RPTOR: variants seen among roughly 807,000 people sequenced by gnomAD.
RPTOR encodes the protein regulatory-associated protein of mTOR.
In RPTOR, 21 loss-of-function variants were observed where a neutral mutation model predicts 169.9. That is an observed-to-expected ratio of 0.12 (90% CI 0.09 to 0.18). RPTOR has a LOEUF of 0.18. Ranked by LOEUF, RPTOR falls within the 10% of genes least tolerant of loss-of-function variation. RPTOR has a pLI of 1.00. For missense variants in RPTOR, 1,133 were observed against 1,855.9 expected, an observed-to-expected ratio of 0.61 and a Z score of 7.16; for synonymous variants, 732 against 753.2, an observed-to-expected ratio of 0.97 and a Z score of 0.46.
intron 1 of RPTOR, among the ~76,000 whole-genome samples, chr17:80,559,035 ATCT>A (rs2084445809): frequency 6.6e-6 from 1 of 152,162 alleles, no homozygotes; most frequent in African/African-American, 2.4e-5. Flanking sequence ...ACCAGCAGCC[ATCT>A]CCAGCAGCTT....
intron 20 of RPTOR, among the ~76,000 whole-genome samples, chr17:80,904,940 G>A (rs117757106): frequency 8.0e-4 from 122 of 152,230 alleles, no homozygotes; most frequent in Admixed American, 1.8e-3. Context: ...CTGTTGAGTC[G>A]CAAACAGTAT....
chr17:80,620,091 AC>A (rs758419430), intron 1 of RPTOR, among the ~76,000 whole-genome samples: 3 of 151,940 alleles, frequency 2.0e-5, no homozygotes, highest in Non-Finnish European at 4.4e-5. Flanking sequence ...ATCTGTCTCC[AC>A]CCCCTCACTT....
chr17:80,662,052 A>T (rs2065728213), intron 3 of RPTOR, among the ~76,000 whole-genome samples: 1 of 152,172 alleles, frequency 6.6e-6, no homozygotes, highest in African/African-American at 2.4e-5. Flanking sequence ...CGATTTTTAG[A>T]TGCTATTTAT....
chr17:80,834,050 C>A (rs2067536732), intron 9 of RPTOR, among the ~76,000 whole-genome samples: 1 of 152,236 alleles, frequency 6.6e-6, no homozygotes, highest in African/African-American at 2.4e-5. Context: ...TAATCTGGCC[C>A]TGTAATTTGG....
At chr17:80,867,549 A>G (rs998302194) in intron 13 of RPTOR, among the ~76,000 whole-genome samples, 10 of 152,094 alleles carry the variant, frequency 6.6e-5, no homozygotes, top group African/African-American at 2.2e-4. Flanking sequence ...TGAGTCAAGG[A>G]AAAAAAGGCA....
chr17:80,667,323 A>C (rs1449684015), intron 3 of RPTOR, among the ~76,000 whole-genome samples: 1 of 152,188 alleles, frequency 6.6e-6, no homozygotes, highest in Non-Finnish European at 1.5e-5. Context: ...GGGCTGGGCA[A>C]GGTGGGCAAA....
chr17:80,865,166 AT>A (rs1293304049), intron 13 of RPTOR, among the ~76,000 whole-genome samples: 1 of 152,272 alleles, frequency 6.6e-6, no homozygotes, highest in African/African-American at 2.4e-5. Context: ...TGCCACTCAA[AT>A]TTTAAAAAGA....
chr17:80,644,560 A>C (rs929842820), intron 3 of RPTOR, among the ~76,000 whole-genome samples: 28 of 152,182 alleles, frequency 1.8e-4, no homozygotes, highest in African/African-American at 6.8e-4. Flanking sequence ...AGTTACCTAA[A>C]GGAAATAATG....
rs758242064 is a variant in RPTOR at position 80,730,536 on chromosome 17, G to A, written c.508-24G>A. ...CATATTCCTGAGACGCACATGTAACGAGCGCACTTTGTGTGTTTTCTAGAA... is the reference window on the plus strand; with the variant it reads ...CATATTCCTGAGACGCACATGTAACAAGCGCACTTTGTGTGTTTTCTAGAA... On this transcript the variant is annotated intron_variant, in intron 4 of 33. Transcript: ENST00000306801. The surrounding 1 kb of genome is among the most constrained non-coding windows in gnomAD (Gnocchi z 4.2). 6.8e-6 allele frequency: 11 copies of A among 1,607,836 alleles called. No homozygotes were observed. Among genetic ancestry groups the A allele is most frequent in the African/African-American group, 6.7e-5 (5 of 74,840 alleles).
In RPTOR at chr17:80,707,081, G is replaced by C. The variant is rs1468644356; in HGVS notation, c.349-760G>C. ...TCAGTTTTAGATTCTGCTCATTCAG[G>C]GTTAAGGGCCCAGGCAGGAGGCGGA... On this transcript the variant is annotated intron_variant, in intron 3 of 33. Coordinates refer to ENST00000306801, the MANE Select transcript of RPTOR (RefSeq NM_020761.3). The surrounding 1 kb of genome is among the most constrained non-coding windows in gnomAD (Gnocchi z 5.0). Among the ~76,000 whole-genome samples, 1 of 152,132 alleles carries C rather than the reference G, an allele frequency of 6.6e-6. No individual in the cohort carries two copies. The highest frequency in any genetic ancestry group is 1.5e-5 in the Non-Finnish European group (1 of 68,022).
intron 5 of RPTOR, among the ~76,000 whole-genome samples, chr17:80,742,575 CATAGACATATATGCAT>C: frequency 6.6e-6 from 1 of 151,492 alleles, no homozygotes; most frequent in African/African-American, 2.4e-5. Context: ...TATGCACACA[CATAGACATATATGCAT>C]ATAGACATGC....
intron 1 of RPTOR, among the ~76,000 whole-genome samples, chr17:80,566,841 AAAAAAAAAAAAG>A (rs1220369774): frequency 6.6e-6 from 1 of 151,792 alleles, no homozygotes; most frequent in Non-Finnish European, 1.5e-5. Context: ...AAAAAAAAAA[AAAAAAAAAAAAG>A]AATGTATATT....
intron 24 of RPTOR, among the ~76,000 whole-genome samples, chr17:80,938,501 T>C (rs1200807814): frequency 6.6e-6 from 1 of 152,238 alleles, no homozygotes; most frequent in Non-Finnish European, 1.5e-5. Flanking sequence ...TCTATGTTAT[T>C]TACCATTTGT....
intron 3 of RPTOR, among the ~76,000 whole-genome samples, chr17:80,654,648 A>G (rs899180392): frequency 6.6e-5 from 10 of 152,340 alleles, no homozygotes; most frequent in African/African-American, 2.4e-4. Context: ...TCCTTAATCA[A>G]CATGCTGCTT....
intron 3 of RPTOR, among the ~76,000 whole-genome samples, chr17:80,685,050 GT>G (rs1466267547): frequency 6.6e-6 from 1 of 152,006 alleles, no homozygotes; most frequent in Non-Finnish European, 1.5e-5. Context: ...TGTGTATGTA[GT>G]TTTTTTCTAG....
Position 80,712,647 on chromosome 17 carries a change from A to G in RPTOR, c.507+4648A>G, listed in dbSNP as rs140202014. On this transcript the variant is annotated intron_variant, in intron 4 of 33. Transcript: ENST00000306801. ...ATTATTAACGTGTGCAAATTTTTGT[A>G]TGGATATAAGCTTTCCATTCATTTG... is the stretch of plus-strand genomic sequence containing the variant. Among the ~76,000 whole-genome samples, 17 of 152,340 alleles carry G rather than the reference A, an allele frequency of 1.1e-4. No individual in the cohort carries two copies. The East Asian group carries it at 3.3e-3, about 29-fold the overall frequency.
chr17:80,749,904 A>G (rs1182000962), intron 5 of RPTOR, among the ~76,000 whole-genome samples: 1 of 151,914 alleles, frequency 6.6e-6, no homozygotes, highest in East Asian at 1.9e-4. Flanking sequence ...TTGTAGAGAC[A>G]GGGGTCTTGC....
At chr17:80,904,902 A>G (rs965427931) in intron 20 of RPTOR, among the ~76,000 whole-genome samples, 6 of 152,244 alleles carry the variant, frequency 3.9e-5, no homozygotes, top group African/African-American at 1.4e-4. Context: ...CACTAAAAAG[A>G]CTGGCAAAAA....
intron 32 of RPTOR, 135 bp from the exon 33 acceptor site, chr17:80,962,793 C>A: frequency 6.8e-7 from 1 of 1,464,534 alleles, no homozygotes. Flanking sequence ...TGAGAGTGAC[C>A]AGAGGGTCAC....
Sources: allele counts gnomAD v4.1 joint callset (sites outside exome capture counted in the v4.1 genomes callset), GRCh38; gene constraint gnomAD v4.1.1; non-coding constraint Gnocchi (gnomAD v3.1); transcripts MANE v1.5; gene names NCBI Gene and HGNC (gene_info 2026-07-23, HGNC 2026-07-21).